The following PKLR variants were observed in gnomAD, a reference collection of about 807,000 sequenced individuals.
The protein encoded by PKLR is pyruvate kinase L/R, also known as pyruvate kinase PKLR.
PKLR carries 38 observed loss-of-function variants against 53.6 expected under a neutral mutation model. The ratio of observed to expected loss-of-function variants is 0.71; its 90% CI spans 0.55 to 0.93. The LOEUF is 0.93. Among genes scored for constraint, PKLR ranks in the 40% least tolerant of loss-of-function variants. The pLI is 0.00. For synonymous variants in PKLR, 328 were observed against 316.2 expected (o/e 1.04, Z -0.39); for missense variants, 702 against 787.3 (o/e 0.89, Z 1.30).
At chr1:155,306,712 T>C in the PKLR span, among the ~76,000 whole-genome samples, 1 of 152,324 alleles carries the variant, frequency 6.6e-6, no homozygotes, top group East Asian at 1.9e-4. The surrounding 1 kb of genome is among the most constrained non-coding windows in gnomAD (Gnocchi z 4.2). Context: ...TGCAGATTTA[T>C]GTATCCGGAA....
At chr1:155,300,306 T>C (rs776099616) in intron 1 of PKLR, 26 bp from the exon 2 acceptor site, 1 of 1,555,932 alleles carries the variant, frequency 6.4e-7, no homozygotes, top group Non-Finnish European at 8.7e-7. Context: ...GCTCAGGGAC[T>C]GCATGTCACC....
chr1:155,299,973 C>T, intron 2 of PKLR, 125 bp downstream of exon 2: 1 of 1,052,640 alleles, frequency 9.5e-7, no homozygotes, highest in Non-Finnish European at 1.4e-6. Flanking sequence ...ATATGCTCAA[C>T]AAATTTTTGT....
rs1217312222 is a variant in PKLR at position 155,295,315 on chromosome 1, C to T, written c.508-13G>A. 1.2e-6 allele frequency: 2 copies of T among 1,613,852 alleles called. No homozygotes were observed. The highest frequency in any genetic ancestry group is 1.7e-6 in the Non-Finnish European group (2 of 1,179,874). On this transcript the variant is annotated splice_polypyrimidine_tract_variant and intron_variant, in intron 4 of 10. Coordinates refer to ENST00000342741, the MANE Select transcript of PKLR (RefSeq NM_000298.6). This position sits in a 1 kb window ranked among gnomAD's most constrained non-coding sequence, Gnocchi z 4.3. ...CCGACTCTGGACCCTAAGGAGGGAG[C>T]CAGAGGAGATGTGAGTTCTGAGCCC...
chr1:155,301,583 C>A, upstream of PKLR: 1 of 667,688 alleles, frequency 1.5e-6, no homozygotes. Flanking sequence ...TTCCTCTCAT[C>A]CTTTTTTCCT....
intron 2 of PKLR, among the ~76,000 whole-genome samples, chr1:155,299,029 T>C (rs1198078303): frequency 6.0e-5 from 4 of 66,254 alleles, no homozygotes; most frequent in East Asian, 1.3e-3. Flanking sequence ...TTTCTTTCTT[T>C]CTTTCTCTTT....
rs376694187 is a variant in PKLR at position 155,294,325 on chromosome 1, G to A, written c.1026C>T (p.Ile342=). The part of the protein sequence containing the change: ...GIMVARGDLG[I]EIPAEKVFLA... ...GGAAAACCTTCTCTGCTGGGATCTC[G>A]ATGCCTAGGTCCCCCCGTGCCACCA... The change falls in exon 7 of 11, where the codon ATC becomes ATT. Residue 342 remains isoleucine (I), a synonymous_variant. Coordinates refer to ENST00000342741, the MANE Select transcript of PKLR (RefSeq NM_000298.6). The A allele has an allele frequency of 6.2e-7, 1 of 1,614,096 alleles. No individual in the cohort carries two copies. Among genetic ancestry groups the A allele is most frequent in the Non-Finnish European group, 8.5e-7 (1 of 1,180,012 alleles).
chr1:155,308,058 T>C, the PKLR span, among the ~76,000 whole-genome samples: 11 of 145,562 alleles, frequency 7.6e-5, no homozygotes, highest in South Asian at 2.4e-3. Flanking sequence ...GACTCATCTT[T>C]TTTTTTTTTT....
At chr1:155,306,532 CAG>C in the PKLR span, among the ~76,000 whole-genome samples, 2 of 152,144 alleles carry the variant, frequency 1.3e-5, no homozygotes, top group Admixed American at 1.3e-4. The surrounding 1 kb of genome is among the most constrained non-coding windows in gnomAD (Gnocchi z 4.2). Context: ...CCAGGAGAGA[CAG>C]AGCATTGTGA....
At chr1:155,301,150 C>G in intron 1 of PKLR, 146 bp downstream of exon 1, 1 of 1,330,336 alleles carries the variant, frequency 7.5e-7, no homozygotes, top group Non-Finnish European at 1.1e-6. Context: ...TAATTTAACA[C>G]ACGGGAGGCT....
the PKLR span, among the ~76,000 whole-genome samples, chr1:155,307,278 T>G: frequency 6.6e-6 from 1 of 152,214 alleles, no homozygotes; most frequent in African/African-American, 2.4e-5. Context: ...TGACAGTACC[T>G]TATATACACG....
At chr1:155,305,934 C>T (rs560284503), upstream of PKLR, among the ~76,000 whole-genome samples, 10 of 152,110 alleles carry the variant, frequency 6.6e-5, no homozygotes, top group East Asian at 1.5e-3. Context: ...CATGAGCCAC[C>T]ACGCCCAGCT....
At position 155,295,033 on chromosome 1, in the gene PKLR, G is replaced by T. The variant is rs948024479; in HGVS notation, c.694+83C>A. ...CGCGTGGCCAGGGGAAGGTGTGATC[G>T]GTCTGAGGGCTGATGGGGGAGCCAA... On this transcript the variant is annotated intron_variant, in intron 5 of 10. Transcript: ENST00000342741. This position sits in a 1 kb window ranked among gnomAD's most constrained non-coding sequence, Gnocchi z 4.3. The T allele has an allele frequency of 4.8e-6, 7 of 1,461,896 alleles. No homozygotes were observed. The highest frequency in any genetic ancestry group is 6.6e-6 in the Non-Finnish European group (7 of 1,058,684). The allele number at this position is 1,461,896 out of a possible 1,614,324, so 90.6% of individuals were successfully genotyped here.
chr1:155,307,156 G>A, the PKLR span, among the ~76,000 whole-genome samples: 3 of 152,062 alleles, frequency 2.0e-5, no homozygotes, highest in Non-Finnish European at 2.9e-5. Context: ...CTCGTGATCC[G>A]CCCACCTTGG....
In PKLR at chr1:155,299,018, CTTTCTTTCTTTCTTTCT is replaced by C. The variant is rs1352849768; in HGVS notation, c.283+1063_283+1079del. On this transcript the variant is annotated intron_variant, in intron 2 of 10. Transcript: ENST00000342741. ...TCTTTCTTTCTTTCTTTCTTTCTTT[CTTTCTTTCTTTCTTTCT>C]CTTTCTTTCTTTCTTTCCTTCCTTC... is the stretch of plus-strand genomic sequence containing the variant. 8.8e-4 allele frequency among the ~76,000 whole-genome samples: 89 copies of C among 101,356 alleles called. 3 individuals carry two copies. Among genetic ancestry groups the C allele is most frequent in the Non-Finnish European group, 9.5e-4 (50 of 52,764 alleles). 66.5% of individuals were successfully genotyped at this position (101,356 alleles called of 152,430 possible).
rs767866225 is a variant in PKLR at position 155,300,301 on chromosome 1, G to C, written c.101-21C>G. 8 of 1,559,770 alleles carry C rather than the reference G, an allele frequency of 5.1e-6. No homozygotes were observed. In the African/African-American group the frequency reaches 1.1e-4, roughly 21 times the overall value. ...TGGCCCTGTGGTAGAAGGGGGCTCA[G>C]GGACTGCATGTCACCTGCCCTTCCT... On this transcript the variant is annotated intron_variant, in intron 1 of 10. Coordinates refer to ENST00000342741, the MANE Select transcript of PKLR (RefSeq NM_000298.6).
intron 1 of PKLR, chr1:155,301,093 G>T: frequency 6.8e-7 from 1 of 1,462,284 alleles, no homozygotes; most frequent in Non-Finnish European, 9.3e-7. Flanking sequence ...ACATGCTGTG[G>T]CTCTGGCCTG....
At chr1:155,307,412 G>A in the PKLR span, among the ~76,000 whole-genome samples, 2 of 152,216 alleles carry the variant, frequency 1.3e-5, no homozygotes, top group African/African-American at 4.8e-5. Flanking sequence ...GAGACCTACT[G>A]GACTGCATTT....
chr1:155,295,876 T>G lies in PKLR; in HGVS notation c.284-120A>C. ...CAGGCGTCCTGTTACCTGATCTTTA[T>G]TCCCTGATGCAACCCCTGCCCACAG... On this transcript the variant is annotated intron_variant, in intron 2 of 10. Transcript: ENST00000342741. This position sits in a 1 kb window ranked among gnomAD's most constrained non-coding sequence, Gnocchi z 4.3. 1 of 802,758 alleles carries G rather than the reference T, an allele frequency of 1.2e-6. No individual in the cohort carries two copies. Among genetic ancestry groups the G allele is most frequent in the African/African-American group, 1.7e-5 (1 of 59,186 alleles). 49.7% of individuals were successfully genotyped at this position (802,758 alleles called of 1,614,324 possible). A position where few individuals can be genotyped will look rare whatever the true frequency, so the allele number is the denominator to read the frequency against.
At chr1:155,298,624 G>GA in intron 2 of PKLR, among the ~76,000 whole-genome samples, 1 of 149,746 alleles carries the variant, frequency 6.7e-6, no homozygotes, top group East Asian at 2.0e-4. Flanking sequence ...ACCGCGCCCA[G>GA]CTTTTTTTTC....
Sources: allele counts gnomAD v4.1 joint callset (sites outside exome capture counted in the v4.1 genomes callset), GRCh38; gene constraint gnomAD v4.1.1; non-coding constraint Gnocchi (gnomAD v3.1); transcripts MANE v1.5; gene names NCBI Gene and HGNC (gene_info 2026-07-23, HGNC 2026-07-21).